Variants in PDE3B observed in about 807,000 individuals in gnomAD.
PDE3B encodes the protein cGMP-inhibited 3',5'-cyclic phosphodiesterase 3B.
In PDE3B, 66 loss-of-function variants were observed where a neutral mutation model predicts 116.8. The observed-to-expected ratio is 0.56, with a 90% CI of 0.46 to 0.69. The LOEUF is 0.69. Ranked by LOEUF, PDE3B falls within the 30% of genes least tolerant of loss-of-function variation. The probability of loss-of-function intolerance (pLI) is 0.00; values close to 1 mark genes in which losing one functional copy is unlikely to be tolerated. For missense variants in PDE3B, 1,384 were observed against 1,368.1 expected (o/e 1.01, Z -0.18); for synonymous variants, 595 against 533.6 (o/e 1.12, Z -1.59).
At chr11:14,694,545 C>CAATCTAAA (rs1304581755) in intron 1 of PDE3B, among the ~76,000 whole-genome samples, 2 of 152,130 alleles carry the variant, frequency 1.3e-5, no homozygotes, top group Non-Finnish European at 2.9e-5. Flanking sequence ...CATTTTTTAG[C>CAATCTAAA]AATAGAGTAT....
At chr11:14,679,289 A>G (rs1466857291) in intron 1 of PDE3B, among the ~76,000 whole-genome samples, 2 of 152,172 alleles carry the variant, frequency 1.3e-5, no homozygotes, top group Non-Finnish European at 2.9e-5. Context: ...TTAAATTAGT[A>G]GAATCAATTT....
intron 1 of PDE3B, among the ~76,000 whole-genome samples, chr11:14,715,096 T>C (rs1191525587): frequency 6.6e-6 from 1 of 152,134 alleles, no homozygotes; most frequent in African/African-American, 2.4e-5. Flanking sequence ...AAATGATCTA[T>C]TAAAGGTACA....
At position 14,651,747 on chromosome 11, in the gene PDE3B, A is replaced by G. The variant is rs77344758; in HGVS notation, c.978+6694A>G. 1.6e-4 allele frequency among the ~76,000 whole-genome samples: 25 copies of G among 152,316 alleles called. No individual in the cohort carries two copies. In the East Asian group the frequency reaches 4.8e-3, roughly 29 times the overall value. On this transcript the variant is annotated intron_variant, in intron 1 of 15. Coordinates refer to ENST00000282096, the MANE Select transcript of PDE3B (RefSeq NM_000922.4). ...AATGGATATCCAGTCATGCCAACAC[A>G]CTATATTGAAAAGTTTATTTATTCT...
Position 14,870,289 on chromosome 11 carries a change from A to G in PDE3B, c.*629A>G, listed in dbSNP as rs1848121945. On this transcript the variant is annotated 3_prime_UTR_variant, in exon 16 of 16. Coordinates refer to ENST00000282096, the MANE Select transcript of PDE3B (RefSeq NM_000922.4). This position sits in a 1 kb window ranked among gnomAD's most constrained non-coding sequence, Gnocchi z 4.1. ...GCATCAATTTCTGATGCTTTTTACT[A>G]TTGTGTATTATCTACTATGTGTGTT... 1 of 152,494 alleles carries G rather than the reference A, an allele frequency of 6.6e-6. No individual in the cohort carries two copies. Among genetic ancestry groups the G allele is most frequent in the Non-Finnish European group, 1.5e-5 (1 of 68,028 alleles). The allele number at this position is 152,494 out of a possible 1,614,324, so 9.4% of individuals were successfully genotyped here. A position where few individuals can be genotyped will look rare whatever the true frequency, so the allele number is the denominator to read the frequency against.
chr11:14,789,500 C>G (rs775452673), intron 4 of PDE3B, among the ~76,000 whole-genome samples: 1 of 151,964 alleles, frequency 6.6e-6, no homozygotes, highest in Admixed American at 6.6e-5. Flanking sequence ...TTAGGGAAAT[C>G]AGGATCAACT....
At chr11:14,734,673 T>A (rs10832296) in intron 1 of PDE3B, among the ~76,000 whole-genome samples, 21,506 of 152,188 alleles carry the variant, frequency 0.14, 2,215 homozygotes, top group African/African-American at 0.3. Context: ...TTCTATTCTT[T>A]TAAATGAGTT....
At chr11:14,688,124 TC>T (rs1490042849) in intron 1 of PDE3B, among the ~76,000 whole-genome samples, 17 of 135,764 alleles carry the variant, frequency 1.3e-4, no homozygotes, top group Non-Finnish European at 1.1e-4. Flanking sequence ...TCTCTCTCTC[TC>T]TCTCTCTCTC....
chr11:14,665,916 G>A (rs1441135856), intron 1 of PDE3B, among the ~76,000 whole-genome samples: 2 of 152,102 alleles, frequency 1.3e-5, no homozygotes, highest in Non-Finnish European at 2.9e-5. Flanking sequence ...TTTCTTCACA[G>A]AATTGGAAAA....
chr11:14,665,758 A>G (rs1160591040), intron 1 of PDE3B, among the ~76,000 whole-genome samples: 1 of 152,240 alleles, frequency 6.6e-6, no homozygotes, highest in Admixed American at 6.5e-5. Context: ...GAGAACTACA[A>G]ACCACTGCTC....
At chr11:14,657,129 A>C (rs1853737175) in intron 1 of PDE3B, among the ~76,000 whole-genome samples, 1 of 152,180 alleles carries the variant, frequency 6.6e-6, no homozygotes, top group Non-Finnish European at 1.5e-5. Flanking sequence ...CTACAGTCAT[A>C]ATTTACTGTC....
Position 14,849,674 on chromosome 11 carries a change from G to A in PDE3B, c.2520+5648G>A, listed in dbSNP as rs549556338. On this transcript the variant is annotated intron_variant, in intron 12 of 15. Coordinates refer to ENST00000282096, the MANE Select transcript of PDE3B (RefSeq NM_000922.4). ...CACACAACCCCATCAACAAGTGGGC[G>A]AAGGACATGAACAGACACTTCTCAA... Among the ~76,000 whole-genome samples the A allele has an allele frequency of 3.1e-4, 47 of 152,180 alleles. No homozygotes were observed. In the Middle Eastern group the frequency reaches 0.01, roughly 33 times the overall value.
chr11:14,746,802 G>A (rs756091525), intron 1 of PDE3B, among the ~76,000 whole-genome samples: 3 of 152,154 alleles, frequency 2.0e-5, no homozygotes, highest in Admixed American at 6.5e-5. Context: ...GGATCCTTTC[G>A]ATGGTAATTT....
intron 12 of PDE3B, among the ~76,000 whole-genome samples, chr11:14,855,185 T>C (rs1314258270): frequency 6.6e-6 from 1 of 151,932 alleles, no homozygotes; most frequent in Admixed American, 6.6e-5. Context: ...GAAGATAAGA[T>C]ATAGGGGACT....
chr11:14,644,552 C>T lies in PDE3B; in HGVS notation c.477C>T (p.Ala159=). 2 of 1,598,966 alleles carry T rather than the reference C, an allele frequency of 1.3e-6. No individual in the cohort carries two copies. Among genetic ancestry groups the T allele is most frequent in the East Asian group, 2.3e-5 (1 of 44,090 alleles). Residue 159 remains alanine (A), a synonymous_variant, in exon 1 of 16, where the codon GCC becomes GCT. Transcript: ENST00000282096. ...CCTGGTGGCTGCTGGCGCTGCCCGC[C>T]TGCTGTTACCTGGGGGACTTCTTGG... ...CGSWWLLALP[A]CCYLGDFLVW... is the part of the protein sequence containing the mutation.
At chr11:14,762,937 A>C (rs981229265) in intron 1 of PDE3B, among the ~76,000 whole-genome samples, 2 of 152,186 alleles carry the variant, frequency 1.3e-5, no homozygotes, top group African/African-American at 4.8e-5. Context: ...TGTTAAGTTC[A>C]AGGTATCTAT....
intron 1 of PDE3B, among the ~76,000 whole-genome samples, chr11:14,665,521 A>C (rs536319628): frequency 1.3e-5 from 2 of 152,160 alleles, no homozygotes; most frequent in Non-Finnish European, 2.9e-5. Context: ...AGAAAACCCC[A>C]TTGTCTCAGC....
At chr11:14,654,735 G>T (rs1355020644) in intron 1 of PDE3B, among the ~76,000 whole-genome samples, 1 of 151,758 alleles carries the variant, frequency 6.6e-6, no homozygotes, top group African/African-American at 2.4e-5. Context: ...ATTTCAAGGG[G>T]AGGGCTAAGA....
chr11:14,657,342 A>T (rs1357849546), intron 1 of PDE3B, among the ~76,000 whole-genome samples: 1 of 151,894 alleles, frequency 6.6e-6, no homozygotes, highest in African/African-American at 2.4e-5. Flanking sequence ...TAAAAAAGTG[A>T]CTCTTCCAAC....
In PDE3B at chr11:14,870,708, T is replaced by A. The variant is rs1292188549; in HGVS notation, c.*1048T>A. On this transcript the variant is annotated 3_prime_UTR_variant, in exon 16 of 16. Coordinates refer to ENST00000282096, the MANE Select transcript of PDE3B (RefSeq NM_000922.4). This position sits in a 1 kb window ranked among gnomAD's most constrained non-coding sequence, Gnocchi z 4.1. ...ATGTTCATCTTTCTGTTAATTTCCC[T>A]CTGCCTAAAGACTACATGACAGAAA... The A allele has an allele frequency of 6.6e-6, 1 of 152,228 alleles. No individual in the cohort carries two copies. Among genetic ancestry groups the A allele is most frequent in the East Asian group, 1.9e-4 (1 of 5,208 alleles). 9.4% of individuals were successfully genotyped at this position (152,228 alleles called of 1,614,324 possible). A position where few individuals can be genotyped will look rare whatever the true frequency, so the allele number is the denominator to read the frequency against.
Sources: allele counts gnomAD v4.1 joint callset (sites outside exome capture counted in the v4.1 genomes callset), GRCh38; gene constraint gnomAD v4.1.1; non-coding constraint Gnocchi (gnomAD v3.1); transcripts MANE v1.5; gene names NCBI Gene and HGNC (gene_info 2026-07-23, HGNC 2026-07-21).